Variants in KSR2 observed in about 807,000 individuals in gnomAD.
KSR2 encodes the protein kinase suppressor of ras 2.
In KSR2, 25 loss-of-function variants were observed where a neutral mutation model predicts 107.8. The ratio of observed to expected loss-of-function variants is 0.23; its 90% CI spans 0.17 to 0.32. The LOEUF is 0.32. KSR2 is among the 10% of genes least tolerant of loss of function. KSR2 has a pLI of 1.00. For missense variants in KSR2, 887 were observed against 1,268.9 expected (o/e 0.70, Z 4.57); for synonymous variants, 480 against 507.0 (o/e 0.95, Z 0.71).
chr12:117,897,715 T>A lies in KSR2; in HGVS notation c.181-37284A>T, dbSNP rs1894557823. Reference sequence around the variant, plus strand: ...CTAGGTGACTTGGGTGCTAGCTCTTTGCAAGGCTAAGAAACCTGCTGATCC... The same window carrying A: ...CTAGGTGACTTGGGTGCTAGCTCTTAGCAAGGCTAAGAAACCTGCTGATCC... On this transcript the variant is annotated intron_variant, in intron 1 of 19. Transcript: ENST00000339824. The surrounding 1 kb of genome is among the most constrained non-coding windows in gnomAD (Gnocchi z 4.5). Among the ~76,000 whole-genome samples the A allele has an allele frequency of 6.6e-6, 1 of 152,100 alleles. No homozygotes were observed. The highest frequency in any genetic ancestry group is 1.5e-5 in the Non-Finnish European group (1 of 68,024).
At chr12:117,965,295 A>T (rs1896754367) in intron 1 of KSR2, among the ~76,000 whole-genome samples, 1 of 152,198 alleles carries the variant, frequency 6.6e-6, no homozygotes, top group Non-Finnish European at 1.5e-5. Context: ...TAACCTACTG[A>T]GCCAACTGAA....
intron 5 of KSR2, among the ~76,000 whole-genome samples, chr12:117,649,869 A>C (rs575404553): frequency 5.9e-5 from 9 of 152,366 alleles, no homozygotes; most frequent in Non-Finnish European, 1.2e-4. Context: ...TGGTAGAGAC[A>C]CAGCCTGCTA....
intron 5 of KSR2, among the ~76,000 whole-genome samples, chr12:117,654,520 A>G (rs1338238577): frequency 6.6e-6 from 1 of 152,222 alleles, no homozygotes; most frequent in African/African-American, 2.4e-5. Context: ...CCTGAAGGAC[A>G]GTGGTGAAGG....
chr12:117,761,937 A>T (rs1889050653), intron 3 of KSR2, among the ~76,000 whole-genome samples: 2 of 152,234 alleles, frequency 1.3e-5, no homozygotes, highest in South Asian at 4.1e-4. Flanking sequence ...TACCTCTTAC[A>T]GACATTCTAT....
At chr12:117,869,162 A>G (rs900353450) in intron 1 of KSR2, among the ~76,000 whole-genome samples, 8 of 152,048 alleles carry the variant, frequency 5.3e-5, no homozygotes, top group African/African-American at 1.9e-4. Context: ...ACCTGAGGTC[A>G]GGAGTTTGAG....
intron 5 of KSR2, among the ~76,000 whole-genome samples, chr12:117,640,010 T>A (rs964956577): frequency 6.6e-6 from 1 of 152,054 alleles, no homozygotes; most frequent in Non-Finnish European, 1.5e-5. Flanking sequence ...ATTTTCCTGA[T>A]GGGGAAACTG....
intron 4 of KSR2, among the ~76,000 whole-genome samples, chr12:117,739,170 A>C (rs1438714449): frequency 1.3e-5 from 2 of 152,124 alleles, no homozygotes; most frequent in East Asian, 3.9e-4. Context: ...CCTGGCTGAC[A>C]CGGTGAAACC....
At chr12:117,801,171 C>T (rs1459920601) in intron 3 of KSR2, among the ~76,000 whole-genome samples, 1 of 152,144 alleles carries the variant, frequency 6.6e-6, no homozygotes, top group Non-Finnish European at 1.5e-5. Flanking sequence ...GAGTGCAATG[C>T]AGTGGCACAA....
In KSR2 at chr12:117,566,850, A is replaced by G. The variant is rs573169215; in HGVS notation, c.1326-8277T>C. 3.5e-4 allele frequency among the ~76,000 whole-genome samples: 54 copies of G among 152,346 alleles called. 2 individuals are homozygous for G. In the South Asian group the frequency reaches 0.011, roughly 30 times the overall value. On this transcript the variant is annotated intron_variant, in intron 7 of 19. Coordinates refer to ENST00000339824, the MANE Select transcript of KSR2 (RefSeq NM_173598.6). ...ATGTAAACCCATCTCTTGTGGCTTC[A>G]AGCATGAACATCTCTCTACTCATCC...
At chr12:117,551,663 A>C (rs184776884) in intron 9 of KSR2, among the ~76,000 whole-genome samples, 1 of 152,316 alleles carries the variant, frequency 6.6e-6, no homozygotes, top group Non-Finnish European at 1.5e-5. Context: ...TGAAAAAAAA[A>C]ATCTTCAGAC....
intron 4 of KSR2, among the ~76,000 whole-genome samples, chr12:117,693,757 C>T (rs1450137427): frequency 6.6e-6 from 1 of 152,110 alleles, no homozygotes; most frequent in East Asian, 1.9e-4. Flanking sequence ...GCGCTCCCAA[C>T]CCCAGGAAGC....
intron 8 of KSR2, among the ~76,000 whole-genome samples, chr12:117,556,477 G>T (rs897836662): frequency 6.6e-6 from 1 of 152,164 alleles, no homozygotes; most frequent in Non-Finnish European, 1.5e-5. Context: ...GGGGTGGGAA[G>T]GGCAAGAGAA....
intron 1 of KSR2, among the ~76,000 whole-genome samples, chr12:117,951,428 C>T (rs1019283893): frequency 9.9e-5 from 15 of 152,162 alleles, no homozygotes; most frequent in African/African-American, 3.6e-4. Context: ...TCCTTTTATA[C>T]CTATTGGCTT....
chr12:117,797,041 C>A (rs573230972), intron 3 of KSR2, among the ~76,000 whole-genome samples: 6 of 152,248 alleles, frequency 3.9e-5, no homozygotes, highest in Non-Finnish European at 8.8e-5. Flanking sequence ...GCTCACCATG[C>A]GGATGGGGAA....
At position 117,968,066 on chromosome 12, in the gene KSR2, C is replaced by T. The variant is rs148691014; in HGVS notation, c.180+10G>A. 2.0e-6 allele frequency: 2 copies of T among 985,854 alleles called. No individual in the cohort carries two copies. Among genetic ancestry groups the T allele is most frequent in the African/African-American group, 3.9e-5 (2 of 51,642 alleles). The allele number at this position is 985,854 out of a possible 1,614,324, so 61.1% of individuals were successfully genotyped here. On this transcript the variant is annotated intron_variant, in intron 1 of 19. Coordinates refer to ENST00000339824, the MANE Select transcript of KSR2 (RefSeq NM_173598.6). ...TTTTTTTTTTTTTTTTTCCCGTAGG[C>T]AACACCTACCTCCAGGGTCCGGATT...
At chr12:117,966,248 T>C (rs967207873) in intron 1 of KSR2, among the ~76,000 whole-genome samples, 1 of 152,116 alleles carries the variant, frequency 6.6e-6, no homozygotes, top group Non-Finnish European at 1.5e-5. Flanking sequence ...TACACAGGAA[T>C]ACACAAACTA....
chr12:117,858,159 A>AAAC (rs754731832), intron 2 of KSR2, among the ~76,000 whole-genome samples: 1 of 152,170 alleles, frequency 6.6e-6, no homozygotes, highest in Non-Finnish European at 1.5e-5. Context: ...CATATTAACC[A>AAAC]AACAACAACA....
chr12:117,924,621 G>A lies in KSR2; in HGVS notation c.180+43455C>T, dbSNP rs376470285. 1.7e-4 allele frequency among the ~76,000 whole-genome samples: 26 copies of A among 148,690 alleles called. No homozygotes were observed. The South Asian group carries it at 2.2e-3, about 12-fold the overall frequency. On this transcript the variant is annotated intron_variant, in intron 1 of 19. Transcript: ENST00000339824. ...AGAAAGAAAGAAAAGAAAGAAATAC[G>A]GGCATGAAGGAAGAAGTTAAACTAT...
At chr12:117,542,927 T>TAGTTTCTTCCTTTTGATTGCCG (rs1452490701) in intron 9 of KSR2, among the ~76,000 whole-genome samples, 1 of 152,232 alleles carries the variant, frequency 6.6e-6, no homozygotes, top group Non-Finnish European at 1.5e-5. Context: ...CAGGTATCGA[T>TAGTTTCTTCCTTTTGATTGCCG]AGTTTCTTCC....
Sources: gnomAD v4.1 joint callset for allele counts (sites outside exome capture counted in the v4.1 genomes callset) on GRCh38, gnomAD v4.1.1 for gene constraint, Gnocchi (gnomAD v3.1) non-coding constraint, MANE v1.5 for transcripts, NCBI Gene and HGNC (gene_info 2026-07-23, HGNC 2026-07-21) for gene names.